CFAP65: variants seen among roughly 807,000 people sequenced by gnomAD.
CFAP65 encodes cilia- and flagella-associated protein 65.
Under a neutral mutation model 208.0 loss-of-function variants are expected in CFAP65, and 155 were observed. That is an observed-to-expected ratio of 0.75 (90% CI 0.65 to 0.85). CFAP65 has a LOEUF of 0.85. CFAP65 is among the 40% of genes least tolerant of loss of function. The probability of loss-of-function intolerance (pLI) is 0.00; values close to 1 mark genes in which losing one functional copy is unlikely to be tolerated. For synonymous variants in CFAP65, 970 were observed against 986.3 expected, an observed-to-expected ratio of 0.98 and a Z score of 0.31; for missense variants, 2,294 against 2,451.3, an observed-to-expected ratio of 0.94 and a Z score of 1.36.
chr2:219,017,504 T>C (rs548142458), intron 21 of CFAP65, among the ~76,000 whole-genome samples: 2 of 152,306 alleles, frequency 1.3e-5, no homozygotes, highest in South Asian at 4.1e-4. Flanking sequence ...AAAATAGCCT[T>C]CTAAGAAATT....
chr2:219,012,514 G>A (rs1156644093), intron 24 of CFAP65, among the ~76,000 whole-genome samples: 1 of 152,212 alleles, frequency 6.6e-6, no homozygotes, highest in Non-Finnish European at 1.5e-5. Context: ...TGGCCTCTAG[G>A]GTGAATGGCT....
At position 219,004,106 on chromosome 2, in the gene CFAP65, C is replaced by A; in HGVS notation, c.5401G>T (p.Glu1801Ter). 6.2e-7 allele frequency: 1 copy of A among 1,613,930 alleles called. No individual in the cohort carries two copies. The highest frequency in any genetic ancestry group is 2.2e-5 in the East Asian group (1 of 44,870). ...ACTTTCTCTTCCTTCTCATCCCTCT[C>A]CTCCTCCTTCTCCTCTATCTCCTCC... The part of the protein sequence containing the change: ...GKEEIEEKEE[E>*]RDEKEEKVSW... The change falls in exon 33 of 35, where the codon GAG becomes TAG. Residue 1801 changes from glutamate (E) to a stop codon, truncating the protein, a stop_gained. Coordinates refer to ENST00000341552, the MANE Select transcript of CFAP65 (RefSeq NM_194302.4). LOFTEE classifies it high-confidence loss of function. This position sits in a 1 kb window ranked among gnomAD's most constrained non-coding sequence, Gnocchi z 4.7.
At chr2:219,036,737 C>G (rs564058957) in intron 4 of CFAP65, among the ~76,000 whole-genome samples, 4 of 152,336 alleles carry the variant, frequency 2.6e-5, no homozygotes, top group African/African-American at 9.6e-5. Context: ...AGCCATCATG[C>G]CCGGCCAGCA....
chr2:219,023,164 G>A (rs1427745859), intron 16 of CFAP65, 43 bp downstream of exon 16: 3 of 1,512,202 alleles, frequency 2.0e-6, no homozygotes, highest in Non-Finnish European at 2.7e-6. Context: ...AGAGATGACA[G>A]AAGTGAAGGT....
At chr2:219,040,952 GA>G (rs1948622986) in intron 1 of CFAP65, among the ~76,000 whole-genome samples, 1 of 132,478 alleles carries the variant, frequency 7.5e-6, no homozygotes, top group Non-Finnish European at 1.7e-5. Flanking sequence ...TGAAACAGAG[GA>G]TTTGAAAAAG....
chr2:219,017,656 C>T (rs998257615), intron 21 of CFAP65, among the ~76,000 whole-genome samples: 2 of 152,380 alleles, frequency 1.3e-5, no homozygotes, highest in African/African-American at 4.8e-5. Context: ...GGGTTTCCCC[C>T]GCCTCTGTTT....
In CFAP65 at chr2:219,029,440, A is replaced by T; in HGVS notation, c.1613T>A (p.Ile538Asn). The part of the protein sequence containing the change: ...HCAFQPTHPI[I>N]CFRRVACLIH... ...GAGACAGGCCACACGCCGAAAGCAG[A>T]TGATGGGGTGAGTGGGCTGGAAGGC... The change falls in exon 11 of 35, where the codon ATC becomes AAC. Residue 538 changes from isoleucine (I) to asparagine (N), a missense_variant. Coordinates refer to ENST00000341552, the MANE Select transcript of CFAP65 (RefSeq NM_194302.4). 6.2e-7 allele frequency: 1 copy of T among 1,614,080 alleles called. No homozygotes were observed. Among genetic ancestry groups the T allele is most frequent in the Non-Finnish European group, 8.5e-7 (1 of 1,179,974 alleles).
Position 219,024,375 on chromosome 2 carries a change from G to A in CFAP65, c.2350-115C>T, listed in dbSNP as rs535953246. ...TGTCTCCAAGTAGATCAGAGGTGCT[G>A]CCCTGCAGCCCAGTCAACGCCCTGG... is the stretch of plus-strand genomic sequence containing the variant. On this transcript the variant is annotated intron_variant, in intron 14 of 34. Coordinates refer to ENST00000341552, the MANE Select transcript of CFAP65 (RefSeq NM_194302.4). The A allele has an allele frequency of 2.9e-5, 38 of 1,288,404 alleles. No homozygotes were observed. In the East Asian group the frequency reaches 8.9e-4, roughly 30 times the overall value. The allele number at this position is 1,288,404 out of a possible 1,614,324, so 79.8% of individuals were successfully genotyped here.
chr2:219,005,438 T>C lies in CFAP65; in HGVS notation c.5047A>G (p.Ile1683Val). ...QLLVDILTTI[I>V]RGLLEDKNFH... The stretch of plus-strand genomic sequence containing the variant: ...GCCCAGGGTGTGAGCTGGTACCTGA[T>C]TATTGTGGTGAGAATGTCAACCAGG... Residue 1683 changes from isoleucine to valine, a missense_variant, in exon 32 of 35, where the codon ATC (isoleucine) becomes GTC (valine). By Grantham distance (29) the Ile-to-Val change is conservative. This residue lies in a region of CFAP65 where 1,427 missense variants were observed against 1,438.7 expected (regional missense o/e 0.99). Coordinates refer to ENST00000341552, the MANE Select transcript of CFAP65 (RefSeq NM_194302.4). The C allele has an allele frequency of 6.2e-7, 1 of 1,613,410 alleles. No individual in the cohort carries two copies. The highest frequency in any genetic ancestry group is 8.5e-7 in the Non-Finnish European group (1 of 1,179,802).
intron 14 of CFAP65, among the ~76,000 whole-genome samples, chr2:219,024,934 T>A (rs991374934): frequency 1.3e-5 from 2 of 152,034 alleles, no homozygotes; most frequent in Non-Finnish European, 1.5e-5. Flanking sequence ...AAATTCTATA[T>A]CAGAAAATAC....
chr2:219,013,775 G>T, intron 22 of CFAP65, 93 bp downstream of exon 22: 3 of 1,274,816 alleles, frequency 2.4e-6, no homozygotes, highest in Non-Finnish European at 3.4e-6. Context: ...CCAGGGAATG[G>T]CCATTTGGGG....
intron 21 of CFAP65, among the ~76,000 whole-genome samples, chr2:219,017,328 G>A (rs1472250349): frequency 6.6e-6 from 1 of 152,242 alleles, no homozygotes; most frequent in Non-Finnish European, 1.5e-5. Context: ...GAGAAGGCGT[G>A]GAGGGAGTGG....
Position 219,004,285 on chromosome 2 carries a change from C to T in CFAP65, c.5222G>A (p.Gly1741Glu), listed in dbSNP as rs1009635435. The stretch of plus-strand genomic sequence containing the variant: ...GTCTTCCTTCGGCTGCTTGCCCTTC[C>T]CATCCTCCCAGCTGCTGGAGGGTAC... The part of the protein sequence containing the change: ...LPVPSSSWED[G>E]KGKQPKEDRP... The change falls in exon 33 of 35, where the codon GGG becomes GAG. Residue 1741 changes from glycine (G) to glutamate (E), a missense_variant. Physicochemically the swap from Gly to Glu is moderately conservative, Grantham distance 98. This residue lies in a region of CFAP65 where 1,427 missense variants were observed against 1,438.7 expected (regional missense o/e 0.99). Transcript: ENST00000341552. The surrounding 1 kb of genome is among the most constrained non-coding windows in gnomAD (Gnocchi z 4.7). The T allele has an allele frequency of 3.1e-6, 5 of 1,614,022 alleles. No individual in the cohort carries two copies. In the Admixed American group the frequency reaches 8.3e-5, roughly 27 times the overall value.
Position 219,006,524 on chromosome 2 carries a change from A to C in CFAP65, c.4675-15T>G. ...CATGTTCTCTTCTGTGGAAAAAGAG[A>C]GATCCTTGCTTAAGATACAAGAGGC... On this transcript the variant is annotated splice_polypyrimidine_tract_variant and intron_variant, in intron 29 of 34. Coordinates refer to ENST00000341552, the MANE Select transcript of CFAP65 (RefSeq NM_194302.4). 2 of 1,613,224 alleles carry C rather than the reference A, an allele frequency of 1.2e-6. No homozygotes were observed. The highest frequency in any genetic ancestry group is 1.7e-6 in the Non-Finnish European group (2 of 1,179,792).
chr2:219,013,269 G>T lies in CFAP65; in HGVS notation c.3947C>A (p.Pro1316His). 1 of 1,611,966 alleles carries T rather than the reference G, an allele frequency of 6.2e-7. No individual in the cohort carries two copies. Among genetic ancestry groups the T allele is most frequent in the Non-Finnish European group, 8.5e-7 (1 of 1,178,270 alleles). The change falls in exon 24 of 35, where the codon CCC becomes CAC. Residue 1316 changes from proline to histidine, a missense_variant. Pro to His is a moderately conservative substitution (Grantham distance 77). Transcript: ENST00000341552. ...FIPIPIGDTL[P>H]PRQIYELYNG... Reference sequence around the variant, plus strand: ...ATGTGGACCACTGACCTGCCGTGGGGGTAGCGTGTCACCAATGGGAATGGG... The same window carrying T: ...ATGTGGACCACTGACCTGCCGTGGGTGTAGCGTGTCACCAATGGGAATGGG...
rs748532117 is a variant in CFAP65 at position 219,031,472 on chromosome 2, C to A, written c.815+17G>T. On this transcript the variant is annotated intron_variant, in intron 7 of 34. Transcript: ENST00000341552. The surrounding 1 kb of genome is among the most constrained non-coding windows in gnomAD (Gnocchi z 5.2). ...ACAGCTCTTGCTCTCCCCGCCGCAC[C>A]TCAGCCTCTTCCTCACCCCACATTA... 1 of 1,614,158 alleles carries A rather than the reference C, an allele frequency of 6.2e-7. No homozygotes were observed. Among genetic ancestry groups the A allele is most frequent in the South Asian group, 1.1e-5 (1 of 91,080 alleles).
At chr2:219,016,409 C>T (rs1316286933) in intron 21 of CFAP65, among the ~76,000 whole-genome samples, 1 of 151,432 alleles carries the variant, frequency 6.6e-6, no homozygotes, top group Non-Finnish European at 1.5e-5. Flanking sequence ...ATTCTCCTGC[C>T]TCAGCCTCCT....
At chr2:219,028,174 G>T in intron 12 of CFAP65, 27 bp downstream of exon 12, 1 of 1,610,858 alleles carries the variant, frequency 6.2e-7, no homozygotes, top group Non-Finnish European at 8.5e-7. Flanking sequence ...CTAGAGAAGG[G>T]ATATGCAGCT....
At chr2:219,013,207 A>C in intron 24 of CFAP65, 52 bp downstream of exon 24, 852 of 1,176,892 alleles carry the variant, frequency 7.2e-4, no homozygotes, top group Non-Finnish European at 9.7e-4. Flanking sequence ...ACTCATACCT[A>C]GAGATCAACA....
Sources: allele counts gnomAD v4.1 joint callset (sites outside exome capture counted in the v4.1 genomes callset), GRCh38; gene constraint gnomAD v4.1.1; regional missense constraint gnomAD v4.1.1; non-coding constraint Gnocchi (gnomAD v3.1); transcripts MANE v1.5; gene names NCBI Gene and HGNC (gene_info 2026-07-23, HGNC 2026-07-21).